Variants in PNPLA6 observed in about 807,000 individuals in gnomAD.
PNPLA6 encodes the protein patatin-like phospholipase domain-containing protein 6.
In PNPLA6, 105 loss-of-function variants were observed where a neutral mutation model predicts 153.7. The observed-to-expected ratio is 0.68, with a 90% CI of 0.58 to 0.80. The LOEUF is 0.80. Among genes scored for constraint, PNPLA6 ranks in the 30% least tolerant of loss-of-function variants. PNPLA6 has a pLI of 0.00. For synonymous variants in PNPLA6, 825 were observed against 822.2 expected, an observed-to-expected ratio of 1.00 and a Z score of -0.06; for missense variants, 1,423 against 1,919.3, an observed-to-expected ratio of 0.74 and a Z score of 4.83.
chr19:7,541,538 G>C lies in PNPLA6; in HGVS notation c.1022G>C (p.Arg341Pro), dbSNP rs745677326. The change falls in exon 9 of 32, where the codon CGT becomes CCT. Residue 341 changes from arginine (R) to proline (P), a missense_variant. By Grantham distance (103) the Arg-to-Pro change is moderately radical. Coordinates refer to ENST00000600737, the MANE Select transcript of PNPLA6 (RefSeq NM_001166114.2). This position sits in a 1 kb window ranked among gnomAD's most constrained non-coding sequence, Gnocchi z 5.2. ...ELFSHEIQPL[R>P]LFPSPGLPTR... ...TGCCCCCAGGAGATCCAGCCCCTGC[G>C]TCTGTTCCCCAGCCCCGGCCTCCCA... The C allele has an allele frequency of 1.0e-5, 16 of 1,606,844 alleles. No homozygotes were observed. The highest frequency in any genetic ancestry group is 1.7e-4 in the Middle Eastern group (1 of 6,052).
At chr19:7,538,578 G>A (rs1434284317) in intron 3 of PNPLA6, among the ~76,000 whole-genome samples, 1 of 152,148 alleles carries the variant, frequency 6.6e-6, no homozygotes, top group Non-Finnish European at 1.5e-5. Flanking sequence ...GCCAGCGGAG[G>A]GTCTTTCTCA....
upstream of PNPLA6, chr19:7,535,619 C>T (rs1236483874): frequency 1.9e-6 from 3 of 1,587,624 alleles, no homozygotes; most frequent in East Asian, 2.3e-5. This position sits in a 1 kb window ranked among gnomAD's most constrained non-coding sequence, Gnocchi z 5.0. Flanking sequence ...CGGCGTGGGG[C>T]GCCAAGAGGA....
In PNPLA6 at chr19:7,555,439, G is replaced by T; in HGVS notation, c.2936+72G>T. The stretch of plus-strand genomic sequence containing the variant: ...GGTGGAGCTTCCTGGGAGAAACCGT[G>T]GGGGCGGGGCCTGGGTGTTCGAGGG... On this transcript the variant is annotated intron_variant, in intron 23 of 31. Transcript: ENST00000600737. The surrounding 1 kb of genome is among the most constrained non-coding windows in gnomAD (Gnocchi z 6.3). 7.4e-7 allele frequency: 1 copy of T among 1,343,938 alleles called. No homozygotes were observed. 83.3% of individuals were successfully genotyped at this position (1,343,938 alleles called of 1,614,324 possible). A position where few individuals can be genotyped will look rare whatever the true frequency, so the allele number is the denominator to read the frequency against.
chr19:7,545,774 C>T lies in PNPLA6; in HGVS notation c.1608+2690C>T, dbSNP rs541629251. ...TAAAAATTCAAAAATTAGTCAGGCACGATGGCGGGCGCCTCTAGTCCCAGC... is the reference window on the plus strand; with the variant it reads ...TAAAAATTCAAAAATTAGTCAGGCATGATGGCGGGCGCCTCTAGTCCCAGC... On this transcript the variant is annotated intron_variant, in intron 13 of 31. Transcript: ENST00000600737. Among the ~76,000 whole-genome samples the T allele has an allele frequency of 1.3e-4, 19 of 151,978 alleles. No homozygotes were observed. The South Asian group carries it at 3.5e-3, about 28-fold the overall frequency.
At chr19:7,544,632 C>G (rs964757846) in intron 13 of PNPLA6, among the ~76,000 whole-genome samples, 4 of 152,032 alleles carry the variant, frequency 2.6e-5, no homozygotes, top group African/African-American at 7.2e-5. Flanking sequence ...GTCATAGGCA[C>G]TGGGACCCCA....
Position 7,541,941 on chromosome 19 carries a change from A to G in PNPLA6, c.1169-43A>G, listed in dbSNP as rs1471271212. On this transcript the variant is annotated intron_variant, in intron 9 of 31. Coordinates refer to ENST00000600737, the MANE Select transcript of PNPLA6 (RefSeq NM_001166114.2). The surrounding 1 kb of genome is among the most constrained non-coding windows in gnomAD (Gnocchi z 5.2). Reference sequence around the variant, plus strand: ...TATCTCCCAACCTGCTAATCCTCCTAGTGGCTCTGAGGGGCAGGAGCCTGA... The same window carrying G: ...TATCTCCCAACCTGCTAATCCTCCTGGTGGCTCTGAGGGGCAGGAGCCTGA... 1 of 1,507,480 alleles carries G rather than the reference A, an allele frequency of 6.6e-7. No individual in the cohort carries two copies. Among genetic ancestry groups the G allele is most frequent in the African/African-American group, 1.4e-5 (1 of 73,192 alleles). The allele number at this position is 1,507,480 out of a possible 1,614,324, so 93.4% of individuals were successfully genotyped here. A position where few individuals can be genotyped will look rare whatever the true frequency, so the allele number is the denominator to read the frequency against.
chr19:7,554,470 C>T (rs2023783502), intron 20 of PNPLA6, 85 bp from the exon 21 acceptor site: 3 of 1,509,932 alleles, frequency 2.0e-6, no homozygotes. Flanking sequence ...GTCTAAGTTC[C>T]TCCCAGCAAC....
chr19:7,541,076 AC>A lies in PNPLA6; in HGVS notation c.924+30del. 6.2e-7 allele frequency: 1 copy of A among 1,602,230 alleles called. No individual in the cohort carries two copies. The highest frequency in any genetic ancestry group is 8.5e-7 in the Non-Finnish European group (1 of 1,175,900). On this transcript the variant is annotated intron_variant, in intron 7 of 31. Transcript: ENST00000600737. This position sits in a 1 kb window ranked among gnomAD's most constrained non-coding sequence, Gnocchi z 5.2. ...GGTCAGTGGGCCTTCGCCTCCTGTC[AC>A]CCCCTGAGGGACCCCACCCTGGCCC...
intron 3 of PNPLA6, 43 bp from the exon 4 acceptor site, chr19:7,539,875 C>T: frequency 7.2e-7 from 1 of 1,379,520 alleles, no homozygotes; most frequent in South Asian, 1.2e-5. Context: ...CCTGAGCCTT[C>T]TCCGTGCCCC....
Position 7,561,644 on chromosome 19 carries a change from C to A in PNPLA6, c.*82C>A. On this transcript the variant is annotated 3_prime_UTR_variant, in exon 32 of 32. Coordinates refer to ENST00000600737, the MANE Select transcript of PNPLA6 (RefSeq NM_001166114.2). ...CCCGTGGGGGTAGCTCACTCCCCCT[C>A]CTGCTGCTATGCCTGTGACCCCCGC... 1 of 950,696 alleles carries A rather than the reference C, an allele frequency of 1.1e-6. No homozygotes were observed. Among genetic ancestry groups the A allele is most frequent in the Non-Finnish European group, 1.6e-6 (1 of 611,562 alleles). The allele number at this position is 950,696 out of a possible 1,614,324, so 58.9% of individuals were successfully genotyped here. A position where few individuals can be genotyped will look rare whatever the true frequency, so the allele number is the denominator to read the frequency against.
At chr19:7,535,355 G>A, upstream of PNPLA6, 5 of 676,726 alleles carry the variant, frequency 7.4e-6, no homozygotes, top group Non-Finnish European at 1.3e-5. This position sits in a 1 kb window ranked among gnomAD's most constrained non-coding sequence, Gnocchi z 5.0. Context: ...CCTTAGTCCC[G>A]CAGCGCCCCT....
chr19:7,543,875 G>C (rs1201829407), intron 13 of PNPLA6, among the ~76,000 whole-genome samples: 2 of 149,476 alleles, frequency 1.3e-5, no homozygotes, highest in Non-Finnish European at 3.0e-5. Context: ...CTGCAGTGGC[G>C]TGACGGTGGC....
At chr19:7,537,599 CCATGATCAATAGTCCTGCAATGG>C (rs1236001705) in intron 3 of PNPLA6, among the ~76,000 whole-genome samples, 2 of 152,274 alleles carry the variant, frequency 1.3e-5, no homozygotes, top group Non-Finnish European at 2.9e-5. Flanking sequence ...GCAGGGCTCT[CCATGATCAATAGTCCTGCAATGG>C]CAGTCCTTTC....
rs1233880486 is a variant in PNPLA6, at chr19:7,551,122, G to A, written c.2184+15G>A. 6.6e-7 allele frequency: 1 copy of A among 1,519,452 alleles called. No individual in the cohort carries two copies. Among genetic ancestry groups the A allele is most frequent in the Non-Finnish European group, 8.9e-7 (1 of 1,121,038 alleles). The allele number at this position is 1,519,452 out of a possible 1,614,324, so 94.1% of individuals were successfully genotyped here. The stretch of plus-strand genomic sequence containing the variant: ...GGTACCCGCAGGTGCGGCCTGTTGT[G>A]GGCGGGGCAGAGAGGCGGAGGCGGG... On this transcript the variant is annotated intron_variant, in intron 17 of 31. Transcript: ENST00000600737.
At chr19:7,534,959 CCTGGGTCT>C (rs2022771519), upstream of PNPLA6, 1 of 160,920 alleles carries the variant, frequency 6.2e-6, no homozygotes, top group Non-Finnish European at 1.4e-5. Context: ...CCTCCCAGCT[CCTGGGTCT>C]TCCCCGGGGC....
chr19:7,559,042 C>A lies in PNPLA6; in HGVS notation c.3590C>A (p.Ser1197Tyr), dbSNP rs746492824. ...ATCCAGTCCCGCCTGGCCTACGTGT[C>A]CTGTGTGCGGCAGCTAGAGGTTGTC... ...AEIQSRLAYV[S>Y]CVRQLEVVKS... is the part of the protein sequence containing the mutation. Residue 1197 changes from serine (S) to tyrosine (Y), a missense_variant, in exon 28 of 32, where the codon TCC (serine) becomes TAC (tyrosine). Ser to Tyr is a moderately radical substitution (Grantham distance 144). This residue lies in a region of PNPLA6 where 643 missense variants were observed against 835.2 expected (regional missense o/e 0.77). Coordinates refer to ENST00000600737, the MANE Select transcript of PNPLA6 (RefSeq NM_001166114.2). 6 of 1,614,082 alleles carry A rather than the reference C, an allele frequency of 3.7e-6. No homozygotes were observed. The highest frequency in any genetic ancestry group is 2.5e-6 in the Non-Finnish European group (3 of 1,180,036).
intron 20 of PNPLA6, 110 bp from the exon 21 acceptor site, chr19:7,554,445 G>C: frequency 7.3e-7 from 1 of 1,361,940 alleles, no homozygotes; most frequent in East Asian, 2.3e-5. Context: ...GGACTTCCGT[G>C]GTGGGGGTTT....
intron 16 of PNPLA6, 68 bp from the exon 17 acceptor site, chr19:7,550,926 C>G: frequency 1.6e-6 from 2 of 1,225,016 alleles, no homozygotes; most frequent in Non-Finnish European, 2.3e-6. Flanking sequence ...GTACAGCCCC[C>G]TTTCCACCCA....
Position 7,555,044 on chromosome 19 carries a change from GCC to G in PNPLA6, c.2787_2788del (p.Ser932AlafsTer9). 2 of 1,592,926 alleles carry G rather than the reference GCC, an allele frequency of 1.3e-6. No homozygotes were observed. Among genetic ancestry groups the G allele is most frequent in the Non-Finnish European group, 8.5e-7 (1 of 1,178,052 alleles). ...CACCTGCACCTGCGCTGTCCGCGCC[GCC>G]TCTTTTCGCGCCGCAGCCCTGCCAA... On this transcript the variant is annotated frameshift_variant, in exon 22 of 32. Transcript: ENST00000600737. LOFTEE classifies it high-confidence loss of function. The surrounding 1 kb of genome is among the most constrained non-coding windows in gnomAD (Gnocchi z 6.3).
Sources: allele counts gnomAD v4.1 joint callset (sites outside exome capture counted in the v4.1 genomes callset), GRCh38; gene constraint gnomAD v4.1.1; regional missense constraint gnomAD v4.1.1; non-coding constraint Gnocchi (gnomAD v3.1); transcripts MANE v1.5; gene names NCBI Gene and HGNC (gene_info 2026-07-23, HGNC 2026-07-21).